Variants in BCL2 observed in about 807,000 individuals in gnomAD.
BCL2 encodes the protein apoptosis regulator Bcl-2.
A neutral mutation model predicts 14.2 loss-of-function variants in BCL2; 1 was observed. The observed-to-expected ratio is 0.07, with a 90% CI of 0.02 to 0.33. BCL2 has a LOEUF of 0.33. BCL2 is among the 10% of genes least tolerant of loss of function. BCL2 has a pLI of 0.99. For synonymous variants in BCL2, 151 were observed against 137.2 expected, an observed-to-expected ratio of 1.10 and a Z score of -0.70; for missense variants, 247 against 305.9, an observed-to-expected ratio of 0.81 and a Z score of 1.44.
chr18:63,150,261 C>T (rs903009516), intron 2 of BCL2, among the ~76,000 whole-genome samples: 1 of 146,950 alleles, frequency 6.8e-6, no homozygotes, highest in Admixed American at 6.8e-5. Flanking sequence ...TTGGGTCAGC[C>T]TGAAAACGAA....
At chr18:63,290,042 A>G (rs1912601274) in intron 2 of BCL2, among the ~76,000 whole-genome samples, 1 of 152,150 alleles carries the variant, frequency 6.6e-6, no homozygotes, top group Non-Finnish European at 1.5e-5. Flanking sequence ...GGAGGAATGG[A>G]GGGCAGTGAA....
chr18:63,176,870 CTT>C (rs1915361839), intron 2 of BCL2, among the ~76,000 whole-genome samples: 1 of 151,950 alleles, frequency 6.6e-6, no homozygotes, highest in African/African-American at 2.4e-5. Flanking sequence ...ATCAGCCTCT[CTT>C]TATCACCTCC....
chr18:63,314,819 T>C (rs1001177041), intron 2 of BCL2: 3 of 152,236 alleles, frequency 2.0e-5, no homozygotes, highest in Non-Finnish European at 4.4e-5. Flanking sequence ...CTATCTTACT[T>C]TTTAATGGGA....
chr18:63,167,938 A>T (rs887518199), intron 2 of BCL2, among the ~76,000 whole-genome samples: 3 of 151,376 alleles, frequency 2.0e-5, no homozygotes, highest in Non-Finnish European at 4.4e-5. Flanking sequence ...AAAAAAAAAA[A>T]AATAAATAAA....
chr18:63,226,629 G>C (rs949426201), intron 2 of BCL2, among the ~76,000 whole-genome samples: 3 of 152,106 alleles, frequency 2.0e-5, no homozygotes, highest in African/African-American at 7.2e-5. Flanking sequence ...AATACATGCT[G>C]TATGATTGGA....
chr18:63,187,941 T>G, intron 2 of BCL2, among the ~76,000 whole-genome samples: 1 of 152,190 alleles, frequency 6.6e-6, no homozygotes. Flanking sequence ...GCTGGAGCAG[T>G]CTTCAGATGG....
intron 2 of BCL2, among the ~76,000 whole-genome samples, chr18:63,254,583 T>G (rs1911415824): frequency 1.3e-5 from 2 of 151,928 alleles, no homozygotes; most frequent in African/African-American, 4.8e-5. Context: ...TCCTTCTTCT[T>G]CTGATGAGTG....
chr18:63,144,805 G>C (rs1914466044), intron 2 of BCL2, among the ~76,000 whole-genome samples: 1 of 152,180 alleles, frequency 6.6e-6, no homozygotes, highest in African/African-American at 2.4e-5. Context: ...AGCGAATGGG[G>C]CCACATCAAC....
At chr18:63,206,939 G>T (rs540553711) in intron 2 of BCL2, among the ~76,000 whole-genome samples, 2 of 152,156 alleles carry the variant, frequency 1.3e-5, no homozygotes, top group African/African-American at 4.8e-5. Flanking sequence ...ACTTAAAGAC[G>T]GTTTCCAGAT....
chr18:63,200,714 G>A (rs1299360677), intron 2 of BCL2, among the ~76,000 whole-genome samples: 2 of 152,174 alleles, frequency 1.3e-5, no homozygotes, highest in Admixed American at 1.3e-4. Context: ...ACGGGTGGGA[G>A]AAAACTCATC....
At chr18:63,165,724 C>T (rs1392643919) in intron 2 of BCL2, among the ~76,000 whole-genome samples, 1 of 152,164 alleles carries the variant, frequency 6.6e-6, no homozygotes, top group Non-Finnish European at 1.5e-5. Context: ...GGCCCAGACA[C>T]TGGCGGGAGA....
chr18:63,141,831 C>T (rs1914371903), intron 2 of BCL2, among the ~76,000 whole-genome samples: 3 of 152,250 alleles, frequency 2.0e-5, no homozygotes, highest in Admixed American at 1.3e-4. Context: ...GGCAAATATG[C>T]TCTACTTGTC....
chr18:63,292,222 CAAA>C (rs749093257), intron 2 of BCL2, among the ~76,000 whole-genome samples: 15 of 56,416 alleles, frequency 2.7e-4, no homozygotes, highest in Non-Finnish European at 2.8e-4. Context: ...AACCCCAGTG[CAAA>C]AAAAAAAAAA....
At chr18:63,292,695 G>A (rs546039876) in intron 2 of BCL2, among the ~76,000 whole-genome samples, 2 of 152,340 alleles carry the variant, frequency 1.3e-5, no homozygotes, top group South Asian at 4.1e-4. Flanking sequence ...ATGACACATC[G>A]TACTGAGGAA....
intron 2 of BCL2, among the ~76,000 whole-genome samples, chr18:63,203,758 T>C (rs1379956202): frequency 1.3e-5 from 2 of 152,180 alleles, no homozygotes; most frequent in South Asian, 4.1e-4. Flanking sequence ...GTTCTGAGAA[T>C]TGAGATACTA....
chr18:63,129,956 G>C (rs538770329), intron 2 of BCL2, among the ~76,000 whole-genome samples: 1 of 152,300 alleles, frequency 6.6e-6, no homozygotes, highest in Non-Finnish European at 1.5e-5. Flanking sequence ...GAGATCAGGG[G>C]TGTGTCACTG....
At chr18:63,152,959 G>C (rs140893685) in intron 2 of BCL2, among the ~76,000 whole-genome samples, 1 of 152,210 alleles carries the variant, frequency 6.6e-6, no homozygotes, top group Non-Finnish European at 1.5e-5. Flanking sequence ...TCCACTGCCT[G>C]CCCACTCTCT....
At chr18:63,186,097 T>C (rs770274092) in intron 2 of BCL2, among the ~76,000 whole-genome samples, 6 of 152,222 alleles carry the variant, frequency 3.9e-5, no homozygotes, top group Non-Finnish European at 7.3e-5. Context: ...AGTTAATATA[T>C]AGCACCATAT....
At chr18:63,172,333 C>G (rs1915240829) in intron 2 of BCL2, among the ~76,000 whole-genome samples, 2 of 152,202 alleles carry the variant, frequency 1.3e-5, no homozygotes, top group South Asian at 2.1e-4. Context: ...GTCTGTTGAG[C>G]AAGAACAACG....
Sources: allele counts gnomAD v4.1 joint callset (sites outside exome capture counted in the v4.1 genomes callset), GRCh38; gene constraint gnomAD v4.1.1; transcripts MANE v1.5; gene names NCBI Gene and HGNC (gene_info 2026-07-23, HGNC 2026-07-21).